Variants in KDM3B observed in about 807,000 individuals in gnomAD.
KDM3B encodes the protein lysine demethylase 3B, also known as lysine-specific demethylase 3B.
In KDM3B, 10 loss-of-function variants were observed where a neutral mutation model predicts 170.0. The observed-to-expected ratio is 0.06, with a 90% CI of 0.04 to 0.10. The LOEUF is 0.10. KDM3B is among the 10% of genes least tolerant of loss of function. The pLI is 1.00. For synonymous variants in KDM3B, 831 were observed against 834.8 expected (o/e 1.00, Z 0.08); for missense variants, 1,394 against 2,195.2 (o/e 0.64, Z 7.29).
intron 14 of KDM3B, among the ~76,000 whole-genome samples, chr5:138,419,523 C>T (rs1261540583): frequency 6.6e-6 from 1 of 150,874 alleles, no homozygotes; most frequent in Non-Finnish European, 1.5e-5. Flanking sequence ...GGCGAGGTGG[C>T]GGGTGCCTGT....
At position 138,415,482 on chromosome 5, in the gene KDM3B, G is replaced by A. The variant is rs533753443; in HGVS notation, c.3307+243G>A. Reference sequence around the variant, plus strand: ...AAGAGACTGTCTGCTCTGTCACCCAGGCTGGAGTGCAGTGGTGTGGTCATA... The same window carrying A: ...AAGAGACTGTCTGCTCTGTCACCCAAGCTGGAGTGCAGTGGTGTGGTCATA... On this transcript the variant is annotated intron_variant, in intron 12 of 23. Coordinates refer to ENST00000314358, the MANE Select transcript of KDM3B (RefSeq NM_016604.4). Among the ~76,000 whole-genome samples, 334 of 152,144 alleles carry A rather than the reference G, an allele frequency of 2.2e-3. 1 individual carries two copies. The highest frequency in any genetic ancestry group is 3.3e-3 in the Non-Finnish European group (226 of 68,002).
chr5:138,385,929 TTGTC>T, intron 6 of KDM3B, 89 bp from the exon 7 acceptor site: 1 of 1,442,608 alleles, frequency 6.9e-7, no homozygotes, highest in Non-Finnish European at 9.3e-7. Context: ...TATGCCTGCT[TTGTC>T]TGCTTCTAGA....
intron 1 of KDM3B, among the ~76,000 whole-genome samples, chr5:138,366,639 T>TA (rs745760374): frequency 1.3e-5 from 2 of 152,162 alleles, no homozygotes; most frequent in Non-Finnish European, 2.9e-5. Context: ...GCCCCCATTA[T>TA]CTTTCTATAG....
In KDM3B at chr5:138,415,618, AT is replaced by A. The variant is rs35447880; in HGVS notation, c.3307+392del. 9.3e-4 allele frequency among the ~76,000 whole-genome samples: 133 copies of A among 143,202 alleles called. 1 individual carries two copies. Among genetic ancestry groups the A allele is most frequent in the Admixed American group, 1.5e-3 (22 of 14,200 alleles). The allele number at this position is 143,202 out of a possible 152,430, so 93.9% of individuals were successfully genotyped here. A position where few individuals can be genotyped will look rare whatever the true frequency, so the allele number is the denominator to read the frequency against. On this transcript the variant is annotated intron_variant, in intron 12 of 23. Transcript: ENST00000314358. Reference sequence around the variant, plus strand: ...ACACCTGGCTTATTATTTAATTTAAATTTTTTTTTTTTTCAGAGACGGAGTC... The same window carrying A: ...ACACCTGGCTTATTATTTAATTTAAATTTTTTTTTTTTCAGAGACGGAGTC...
At chr5:138,384,695 C>T (rs1762211245) in intron 6 of KDM3B, among the ~76,000 whole-genome samples, 1 of 147,996 alleles carries the variant, frequency 6.8e-6, no homozygotes. Context: ...GCTGAAATCA[C>T]ACCATCGCAC....
At chr5:138,376,282 T>C (rs925574127) in intron 3 of KDM3B, among the ~76,000 whole-genome samples, 2 of 152,140 alleles carry the variant, frequency 1.3e-5, no homozygotes, top group African/African-American at 2.4e-5. Flanking sequence ...CCAACCTCCC[T>C]GTGCATTTTA....
chr5:138,360,240 A>G (rs1761561788), intron 1 of KDM3B, among the ~76,000 whole-genome samples: 1 of 152,234 alleles, frequency 6.6e-6, no homozygotes, highest in Non-Finnish European at 1.5e-5. Context: ...TTACAATTCC[A>G]AAAGTTGAAA....
intron 1 of KDM3B, among the ~76,000 whole-genome samples, chr5:138,356,189 A>G (rs1761443403): frequency 6.6e-6 from 1 of 152,208 alleles, no homozygotes; most frequent in African/African-American, 2.4e-5. Flanking sequence ...TCATTAATAT[A>G]CTTGTATACA....
chr5:138,430,452 GAACA>G, intron 22 of KDM3B, 27 bp downstream of exon 22: 1 of 1,602,986 alleles, frequency 6.2e-7, no homozygotes, highest in Non-Finnish European at 8.5e-7. Flanking sequence ...GGGTTGGGCT[GAACA>G]GTTCCATGGG....
At chr5:138,418,770 T>C (rs1240059224) in intron 13 of KDM3B, among the ~76,000 whole-genome samples, 183 bp from the exon 14 acceptor site, 2 of 152,230 alleles carry the variant, frequency 1.3e-5, no homozygotes, top group Non-Finnish European at 2.9e-5. Context: ...CCACAGAAGC[T>C]AGCCTGGTTT....
chr5:138,426,776 A>G (rs1281741532), intron 17 of KDM3B, 199 bp from the exon 18 acceptor site: 2 of 477,070 alleles, frequency 4.2e-6, no homozygotes, highest in South Asian at 2.4e-5. Context: ...CTGTAATCCC[A>G]GCTACTCAGG....
intron 5 of KDM3B, among the ~76,000 whole-genome samples, chr5:138,380,404 A>G (rs1762098826): frequency 6.7e-6 from 1 of 149,260 alleles, no homozygotes. Flanking sequence ...TTAGTAACAA[A>G]TAAGATCATA....
chr5:138,428,990 C>T (rs1287752608), intron 20 of KDM3B, among the ~76,000 whole-genome samples: 1 of 146,898 alleles, frequency 6.8e-6, no homozygotes, highest in African/African-American at 2.5e-5. Context: ...CTATGTTGCC[C>T]AGACTGGCTT....
chr5:138,415,380 T>C (rs1763076468), intron 12 of KDM3B, 141 bp downstream of exon 12: 1 of 535,046 alleles, frequency 1.9e-6, no homozygotes, highest in African/African-American at 1.9e-5. Context: ...TGGATCTTTA[T>C]TATTATTATC....
chr5:138,419,652 C>CA (rs1170205178), intron 14 of KDM3B, among the ~76,000 whole-genome samples: 2,441 of 47,032 alleles, frequency 0.052, 168 homozygotes, highest in African/African-American at 0.099. Context: ...GACTCTGTCT[C>CA]AAAAAAAAAA....
intron 20 of KDM3B, among the ~76,000 whole-genome samples, chr5:138,428,940 CTTTTT>C (rs397884825): frequency 2.0e-5 from 2 of 101,232 alleles, no homozygotes; most frequent in African/African-American, 3.5e-5. Flanking sequence ...GGGATAATTT[CTTTTT>C]TTTTTTTTTT....
intron 11 of KDM3B, among the ~76,000 whole-genome samples, chr5:138,402,318 C>T (rs892849589): frequency 3.9e-5 from 6 of 152,136 alleles, no homozygotes; most frequent in African/African-American, 1.4e-4. Flanking sequence ...CCTCCTTGCC[C>T]CTTGACTTTT....
intron 12 of KDM3B, among the ~76,000 whole-genome samples, chr5:138,417,099 G>A (rs72803881): frequency 0.026 from 3,935 of 152,314 alleles, 88 homozygotes; most frequent in South Asian, 0.11. Flanking sequence ...GGGATTAGAG[G>A]CGTGAGCCAC....
chr5:138,428,658 T>C (rs971541825), intron 20 of KDM3B, among the ~76,000 whole-genome samples: 5 of 152,200 alleles, frequency 3.3e-5, no homozygotes, highest in African/African-American at 4.8e-5. Context: ...TAGAGTCTCT[T>C]TCTAGAAATG....
Sources: allele counts gnomAD v4.1 joint callset (sites outside exome capture counted in the v4.1 genomes callset), GRCh38; gene constraint gnomAD v4.1.1; transcripts MANE v1.5; gene names NCBI Gene and HGNC (gene_info 2026-07-23, HGNC 2026-07-21).